Variants in IQCH observed in about 807,000 individuals in gnomAD.
The protein encoded by IQCH is IQ motif containing H.
In IQCH, 98 loss-of-function variants were observed where a neutral mutation model predicts 117.0. The observed-to-expected ratio is 0.84, with a 90% CI of 0.71 to 0.99. IQCH has a LOEUF of 0.99. IQCH is among the 50% of genes least tolerant of loss of function. IQCH has a pLI of 0.00. For missense variants in IQCH, 1,102 were observed against 1,243.8 expected (o/e 0.89, Z 1.72); for synonymous variants, 412 against 448.2 (o/e 0.92, Z 1.02).
rs1178998588 is a variant in IQCH at position 67,436,549 on chromosome 15, C to T, written c.2505+14972C>T. Among the ~76,000 whole-genome samples the T allele has an allele frequency of 6.6e-6, 1 of 152,166 alleles. No homozygotes were observed. The highest frequency in any genetic ancestry group is 1.5e-5 in the Non-Finnish European group (1 of 68,016). On this transcript the variant is annotated intron_variant, in intron 16 of 20. Coordinates refer to ENST00000335894, the MANE Select transcript of IQCH (RefSeq NM_001031715.3). This position sits in a 1 kb window ranked among gnomAD's most constrained non-coding sequence, Gnocchi z 5.1. ...TAGCTAAAGTTTGTAACAACTTGAACAGGGTGAGAAGCCTCCTGGCGAGAA... is the reference window on the plus strand; with the variant it reads ...TAGCTAAAGTTTGTAACAACTTGAATAGGGTGAGAAGCCTCCTGGCGAGAA...
At position 67,393,135 on chromosome 15, in the gene IQCH, A is replaced by T. The variant is rs1354842752; in HGVS notation, c.1633-2156A>T. ...CCAAAAGAGCTCTTGTTTTAAAGGG[A>T]AAGTTATTTCAGAGCTGAAAGGACC... On this transcript the variant is annotated intron_variant, in intron 12 of 20. Transcript: ENST00000335894. The surrounding 1 kb of genome is among the most constrained non-coding windows in gnomAD (Gnocchi z 5.5). Among the ~76,000 whole-genome samples, 1 of 152,160 alleles carries T rather than the reference A, an allele frequency of 6.6e-6. No homozygotes were observed. Among genetic ancestry groups the T allele is most frequent in the Non-Finnish European group, 1.5e-5 (1 of 68,024 alleles).
At position 67,269,023 on chromosome 15, in the gene IQCH, A is replaced by T. The variant is rs1425382623; in HGVS notation, c.269+5807A>T. Among the ~76,000 whole-genome samples the T allele has an allele frequency of 3.5e-5, 3 of 86,752 alleles. No individual in the cohort carries two copies. In the Admixed American group the frequency reaches 4.8e-4, roughly 14 times the overall value. The allele number at this position is 86,752 out of a possible 152,430, so 56.9% of individuals were successfully genotyped here. A position where few individuals can be genotyped will look rare whatever the true frequency, so the allele number is the denominator to read the frequency against. On this transcript the variant is annotated intron_variant, in intron 3 of 20. Coordinates refer to ENST00000335894, the MANE Select transcript of IQCH (RefSeq NM_001031715.3). ...TTCTTAAATACAAAGTACACTTGCT[A>T]AAAAAAAAAAAACCAACACTTGATA...
intron 13 of IQCH, among the ~76,000 whole-genome samples, chr15:67,396,664 C>CT (rs1321351707): frequency 6.6e-6 from 1 of 152,138 alleles, no homozygotes. Context: ...ACAAATTATC[C>CT]CCCCTACCCA....
At chr15:67,495,505 T>C (rs1298773302) in intron 20 of IQCH, among the ~76,000 whole-genome samples, 1 of 152,224 alleles carries the variant, frequency 6.6e-6, no homozygotes, top group African/African-American at 2.4e-5. Context: ...CAGCCTATCA[T>C]TTACATTTTA....
chr15:67,338,235 C>CTATCTATCTATCTATCTATT (rs56991765), intron 5 of IQCH, among the ~76,000 whole-genome samples: 8,222 of 149,598 alleles, frequency 0.055, 264 homozygotes, highest in Middle Eastern at 0.079. Context: ...ATCTATCTAT[C>CTATCTATCTATCTATCTATT]TATCTATCTA....
intron 8 of IQCH, among the ~76,000 whole-genome samples, chr15:67,360,648 G>C (rs1411375431): frequency 6.6e-6 from 1 of 152,196 alleles, no homozygotes; most frequent in Non-Finnish European, 1.5e-5. Context: ...ATAACTCATT[G>C]GTCCATTATT....
chr15:67,319,588 A>G (rs887854308), intron 4 of IQCH, among the ~76,000 whole-genome samples: 3 of 152,228 alleles, frequency 2.0e-5, no homozygotes, highest in Non-Finnish European at 2.9e-5. Flanking sequence ...GATTGTGGAA[A>G]TAAAGTTCAC....
Position 67,389,125 on chromosome 15 carries a change from T to C in IQCH, c.1632+119T>C, listed in dbSNP as rs1971200172. On this transcript the variant is annotated intron_variant, in intron 12 of 20. Transcript: ENST00000335894. ...AAATATTATTGCAAGTTTAACAGCT[T>C]TACTGATTAGACTACTAGTTGGTCT... 5 of 761,610 alleles carry C rather than the reference T, an allele frequency of 6.6e-6. No individual in the cohort carries two copies. The Admixed American group carries it at 1.3e-4, about 19-fold the overall frequency. 47.2% of individuals were successfully genotyped at this position (761,610 alleles called of 1,614,324 possible).
At chr15:67,281,836 A>G in intron 4 of IQCH, 1 of 448,740 alleles carries the variant, frequency 2.2e-6, no homozygotes, top group South Asian at 1.6e-5. Context: ...TGTTGAATGG[A>G]TAAACAAAAC....
At chr15:67,265,873 G>T (rs1421624784) in intron 3 of IQCH, among the ~76,000 whole-genome samples, 1 of 152,206 alleles carries the variant, frequency 6.6e-6, no homozygotes, top group South Asian at 2.1e-4. Context: ...AGAAGGAGGA[G>T]ATGGGACAAT....
Position 67,453,922 on chromosome 15 carries a change from G to T in IQCH, c.2506-11205G>T, listed in dbSNP as rs911757391. 1.3e-5 allele frequency among the ~76,000 whole-genome samples: 2 copies of T among 152,164 alleles called. No homozygotes were observed. The highest frequency in any genetic ancestry group is 2.9e-5 in the Non-Finnish European group (2 of 68,032). Reference sequence around the variant, plus strand: ...GTTTACGTAATCAAACAACTAACTCGGCAATGGCGGGCACCCCTCCCCCAG... The same window carrying T: ...GTTTACGTAATCAAACAACTAACTCTGCAATGGCGGGCACCCCTCCCCCAG... On this transcript the variant is annotated intron_variant, in intron 16 of 20. Coordinates refer to ENST00000335894, the MANE Select transcript of IQCH (RefSeq NM_001031715.3). This position sits in a 1 kb window ranked among gnomAD's most constrained non-coding sequence, Gnocchi z 5.8.
At chr15:67,470,444 C>T (rs1567215191) in intron 17 of IQCH, among the ~76,000 whole-genome samples, 1 of 152,146 alleles carries the variant, frequency 6.6e-6, no homozygotes, top group Non-Finnish European at 1.5e-5. Flanking sequence ...TCCCAAAGTG[C>T]TGGGATTACA....
intron 4 of IQCH, among the ~76,000 whole-genome samples, chr15:67,318,196 C>T (rs1446746790): frequency 6.6e-6 from 1 of 152,092 alleles, no homozygotes; most frequent in Admixed American, 6.6e-5. Context: ...TGATCTTTCT[C>T]CCTTCGTCCT....
chr15:67,357,074 C>T (rs1016785308), intron 6 of IQCH, among the ~76,000 whole-genome samples: 1 of 152,120 alleles, frequency 6.6e-6, no homozygotes, highest in African/African-American at 2.4e-5. Flanking sequence ...TTAAAATGTG[C>T]CTGCTTTTAA....
rs1965047905 is a variant in IQCH, at chr15:67,254,800, C to A, written c.-97C>A. 4 of 1,405,688 alleles carry A rather than the reference C, an allele frequency of 2.8e-6. No individual in the cohort carries two copies. Among genetic ancestry groups the A allele is most frequent in the East Asian group, 2.5e-5 (1 of 40,648 alleles). 87.1% of individuals were successfully genotyped at this position (1,405,688 alleles called of 1,614,324 possible). A position where few individuals can be genotyped will look rare whatever the true frequency, so the allele number is the denominator to read the frequency against. ...GCTCCCAGCGTGGAACAGGCCAGGT[C>A]GCGCGCGGTGTTGCCATGGGGACGA... is the stretch of plus-strand genomic sequence containing the variant. On this transcript the variant is annotated 5_prime_UTR_variant, in exon 1 of 21. Transcript: ENST00000335894.
At chr15:67,347,068 A>G (rs1969427668) in intron 6 of IQCH, among the ~76,000 whole-genome samples, 1 of 152,070 alleles carries the variant, frequency 6.6e-6, no homozygotes, top group Non-Finnish European at 1.5e-5. Flanking sequence ...CTTTTATTAG[A>G]AAAGAAGAAA....
chr15:67,318,891 C>T (rs12440986), intron 4 of IQCH, among the ~76,000 whole-genome samples: 1 of 151,968 alleles, frequency 6.6e-6, no homozygotes, highest in Non-Finnish European at 1.5e-5. Context: ...AAGAAAACTC[C>T]GGATGGGTTA....
intron 18 of IQCH, among the ~76,000 whole-genome samples, chr15:67,486,025 C>T (rs1038060734): frequency 6.3e-5 from 9 of 143,336 alleles, no homozygotes; most frequent in Non-Finnish European, 1.2e-4. Context: ...AATAAGACTG[C>T]TAGCTAAGTT....
In IQCH at chr15:67,417,139, T is replaced by C. The variant is rs1221993747; in HGVS notation, c.2218+88T>C. The C allele has an allele frequency of 8.8e-7, 1 of 1,137,542 alleles. No homozygotes were observed. Among genetic ancestry groups the C allele is most frequent in the African/African-American group, 1.6e-5 (1 of 62,538 alleles). The allele number at this position is 1,137,542 out of a possible 1,614,324, so 70.5% of individuals were successfully genotyped here. A position where few individuals can be genotyped will look rare whatever the true frequency, so the allele number is the denominator to read the frequency against. On this transcript the variant is annotated intron_variant, in intron 15 of 20. Coordinates refer to ENST00000335894, the MANE Select transcript of IQCH (RefSeq NM_001031715.3). This position sits in a 1 kb window ranked among gnomAD's most constrained non-coding sequence, Gnocchi z 4.3. ...GGTCAACTGGGGCCAATTTAAATAC[T>C]TTGCATCTCCTGTGTTGGTTTAGAA...
Sources: allele counts gnomAD v4.1 joint callset (sites outside exome capture counted in the v4.1 genomes callset), GRCh38; gene constraint gnomAD v4.1.1; non-coding constraint Gnocchi (gnomAD v3.1); transcripts MANE v1.5; gene names NCBI Gene and HGNC (gene_info 2026-07-23, HGNC 2026-07-21).